Variants in MYOM1 observed in about 807,000 individuals in gnomAD.
MYOM1 encodes myomesin 1, also known as myomesin-1.
MYOM1 carries 164 observed loss-of-function variants against 205.3 expected under a neutral mutation model. The ratio of observed to expected loss-of-function variants is 0.80; its 90% CI spans 0.70 to 0.91. The LOEUF (loss-of-function observed/expected upper bound fraction) is 0.91, where lower values mean the gene tolerates loss of function less well. Among genes scored for constraint, MYOM1 ranks in the 40% least tolerant of loss-of-function variants. The pLI, the probability that MYOM1 is intolerant of heterozygous loss-of-function variation, is 0.00. For missense variants in MYOM1, 2,011 were observed against 2,127.3 expected (o/e 0.95, Z 1.08); for synonymous variants, 772 against 789.4 (o/e 0.98, Z 0.37).
At chr18:3,144,919 T>C (rs1021814929) in intron 13 of MYOM1, among the ~76,000 whole-genome samples, 2 of 152,232 alleles carry the variant, frequency 1.3e-5, no homozygotes, top group South Asian at 2.1e-4. Context: ...CATGTAGATA[T>C]TAGCAATAGT....
chr18:3,151,146 A>T (rs556773936), intron 12 of MYOM1, among the ~76,000 whole-genome samples: 18 of 151,766 alleles, frequency 1.2e-4, no homozygotes, highest in African/African-American at 3.4e-4. Flanking sequence ...CCAGGCCTGA[A>T]AAAATGATTT....
chr18:3,079,624 T>C (rs1195437820), intron 33 of MYOM1, among the ~76,000 whole-genome samples: 2 of 151,718 alleles, frequency 1.3e-5, no homozygotes, highest in Non-Finnish European at 2.9e-5. Context: ...TCGGTGGCAT[T>C]AATTATCTTT....
intron 14 of MYOM1, among the ~76,000 whole-genome samples, chr18:3,136,774 C>A (rs374764075): frequency 3.3e-5 from 5 of 152,046 alleles, no homozygotes; most frequent in Non-Finnish European, 7.4e-5. Context: ...TGTTTCTTAG[C>A]CTGCTTTATT....
intron 36 of MYOM1, among the ~76,000 whole-genome samples, chr18:3,072,384 C>G (rs536645115): frequency 1.6e-4 from 10 of 60,770 alleles, no homozygotes; most frequent in Admixed American, 1.4e-3. Flanking sequence ...GGCAGAGTCT[C>G]GCTCTGTCAC....
chr18:3,115,494 T>C (rs1023675322), intron 21 of MYOM1, among the ~76,000 whole-genome samples: 1 of 152,192 alleles, frequency 6.6e-6, no homozygotes, highest in African/African-American at 2.4e-5. Context: ...GCCCACCTTA[T>C]AGGCAATGAC....
chr18:3,234,947 G>A, the MYOM1 span, among the ~76,000 whole-genome samples: 2 of 151,344 alleles, frequency 1.3e-5, no homozygotes, highest in Admixed American at 1.3e-4. Flanking sequence ...TAGAGATGGG[G>A]GTTCACGCTG....
intron 30 of MYOM1, among the ~76,000 whole-genome samples, chr18:3,085,363 A>G (rs1225974589): frequency 6.8e-6 from 1 of 147,814 alleles, no homozygotes; most frequent in Non-Finnish European, 1.5e-5. Context: ...TCAAGCCTTG[A>G]CCTACCAAAA....
intron 13 of MYOM1, among the ~76,000 whole-genome samples, chr18:3,145,565 GA>G (rs1351217131): frequency 6.6e-6 from 1 of 151,878 alleles, no homozygotes; most frequent in Non-Finnish European, 1.5e-5. Flanking sequence ...CAAAAAATTG[GA>G]AAGTATTTTG....
chr18:3,168,514 C>T (rs1314641517), intron 9 of MYOM1, among the ~76,000 whole-genome samples: 2 of 152,164 alleles, frequency 1.3e-5, no homozygotes, highest in African/African-American at 4.8e-5. Context: ...GTCTCAAACT[C>T]CTGACCTCAG....
intron 1 of MYOM1, 29 bp from the exon 2 acceptor site, chr18:3,215,280 CTTA>C: frequency 6.7e-7 from 1 of 1,490,734 alleles, no homozygotes. Flanking sequence ...TTTTGAGTGA[CTTA>C]TTAAGGAACA....
chr18:3,149,219 T>C lies in MYOM1; in HGVS notation c.1844-18A>G, dbSNP rs557428277. ...GGGGCGACCTGAATAAAGACAAATA[T>C]AAGAATCACAAACGTTTACAAGTGT... On this transcript the variant is annotated intron_variant, in intron 12 of 37. Transcript: ENST00000356443. The C allele has an allele frequency of 1.2e-6, 2 of 1,606,204 alleles. No individual in the cohort carries two copies. Among genetic ancestry groups the C allele is most frequent in the Non-Finnish European group, 1.7e-6 (2 of 1,175,426 alleles).
At chr18:3,231,972 T>C in the MYOM1 span, among the ~76,000 whole-genome samples, 2 of 152,112 alleles carry the variant, frequency 1.3e-5, no homozygotes, top group Middle Eastern at 6.8e-3. Context: ...TACTTGTCAT[T>C]TACCACAAAA....
chr18:3,229,540 G>T, the MYOM1 span, among the ~76,000 whole-genome samples: 126 of 152,286 alleles, frequency 8.3e-4, no homozygotes, highest in Non-Finnish European at 1.5e-3. Flanking sequence ...GAATTGGAGG[G>T]TATGTTTTAT....
At chr18:3,069,024 C>G (rs1020024595) in intron 37 of MYOM1, among the ~76,000 whole-genome samples, 1 of 152,168 alleles carries the variant, frequency 6.6e-6, no homozygotes, top group Non-Finnish European at 1.5e-5. Context: ...ATCTTCCCAT[C>G]GTGGCCTCCC....
At chr18:3,123,722 T>C (rs1365279654) in intron 19 of MYOM1, among the ~76,000 whole-genome samples, 1 of 151,666 alleles carries the variant, frequency 6.6e-6, no homozygotes, top group Admixed American at 6.6e-5. Flanking sequence ...CTTAAATTTA[T>C]ATCAAGTGCA....
intron 21 of MYOM1, among the ~76,000 whole-genome samples, chr18:3,114,625 T>C (rs2079578701): frequency 6.6e-6 from 1 of 150,628 alleles, no homozygotes; most frequent in African/African-American, 2.4e-5. Context: ...CTCAAGTGAT[T>C]TGCCTGCCTT....
intron 25 of MYOM1, among the ~76,000 whole-genome samples, chr18:3,099,074 C>T (rs1179983138): frequency 1.3e-5 from 2 of 152,210 alleles, no homozygotes; most frequent in African/African-American, 2.4e-5. Flanking sequence ...TCGCTCCGGC[C>T]TCCCAAAGTG....
intron 37 of MYOM1, among the ~76,000 whole-genome samples, chr18:3,068,321 C>T (rs962060378): frequency 1.3e-5 from 2 of 151,554 alleles, no homozygotes; most frequent in African/African-American, 4.9e-5. Context: ...GCTGTCTACC[C>T]AGCTTCCCAG....
chr18:3,138,924 C>G (rs2080009722), intron 14 of MYOM1, among the ~76,000 whole-genome samples: 1 of 152,146 alleles, frequency 6.6e-6, no homozygotes. Context: ...CTGTGTTTTA[C>G]CAGCTCTGTG....
Sources: allele counts gnomAD v4.1 joint callset (sites outside exome capture counted in the v4.1 genomes callset), GRCh38; gene constraint gnomAD v4.1.1; transcripts MANE v1.5; gene names NCBI Gene and HGNC (gene_info 2026-07-23, HGNC 2026-07-21).